ANKRD36B: variants seen among roughly 807,000 people sequenced by gnomAD.
The protein encoded by ANKRD36B is ankyrin repeat domain 36B, also known as ankyrin repeat domain-containing protein 36B.
A neutral mutation model predicts 135.7 loss-of-function variants in ANKRD36B; 37 were observed. The observed-to-expected ratio is 0.27, with a 90% CI of 0.21 to 0.36. ANKRD36B has a LOEUF of 0.36. Among genes scored for constraint, ANKRD36B ranks in the 10% least tolerant of loss-of-function variants. The pLI is 1.00. For synonymous variants in ANKRD36B, 179 were observed against 348.1 expected, an observed-to-expected ratio of 0.51 and a Z score of 5.41; for missense variants, 549 against 1,037.1, an observed-to-expected ratio of 0.53 and a Z score of 6.46.
At chr2:97,557,680 G>A (rs1576990914) in intron 10 of ANKRD36B, among the ~76,000 whole-genome samples, 1 of 151,752 alleles carries the variant, frequency 6.6e-6, no homozygotes, top group African/African-American at 2.4e-5. Context: ...TATAGGTTGG[G>A]ATAATCCTGT....
rs1346375763 is a variant in ANKRD36B, at chr2:97,534,764, C to G, written c.2191+1536G>C. ...ATTAGTACAGTCACTATGGAGAACACTATAGAGTCCTCAAAAAATTAAAAA... is the reference window on the plus strand; with the variant it reads ...ATTAGTACAGTCACTATGGAGAACAGTATAGAGTCCTCAAAAAATTAAAAA... On this transcript the variant is annotated intron_variant, in intron 34 of 43. Transcript: ENST00000359901. Among the ~76,000 whole-genome samples the G allele has an allele frequency of 5.2e-5, 5 of 96,828 alleles. 1 individual carries two copies. Among genetic ancestry groups the G allele is most frequent in the South Asian group, 4.7e-4 (2 of 4,236 alleles). The allele number at this position is 96,828 out of a possible 152,430, so 63.5% of individuals were successfully genotyped here.
intron 43 of ANKRD36B, among the ~76,000 whole-genome samples, chr2:97,495,878 T>A (rs1395358167): frequency 1.9e-5 from 2 of 106,744 alleles, no homozygotes; most frequent in African/African-American, 5.1e-5. Context: ...GACATAAGAC[T>A]GGTAGTGTCA....
At chr2:97,559,083 T>C (rs2080789882) in intron 8 of ANKRD36B, 89 bp from the exon 9 acceptor site, 1 of 1,567,610 alleles carries the variant, frequency 6.4e-7, no homozygotes, top group Non-Finnish European at 8.6e-7. Context: ...TCAAGCTGTA[T>C]CTTCCTGCCT....
chr2:97,565,889 G>GCA (rs2081389986), intron 6 of ANKRD36B, among the ~76,000 whole-genome samples: 2 of 146,182 alleles, frequency 1.4e-5, no homozygotes, highest in African/African-American at 5.2e-5. Flanking sequence ...GTGTGTGTGT[G>GCA]TATATATATA....
Position 97,547,557 on chromosome 2 carries a change from C to CT in ANKRD36B, c.1557dup (p.Asp520ArgfsTer6), listed in dbSNP as rs35495417. 2.6e-6 allele frequency: 4 copies of CT among 1,525,456 alleles called. No individual in the cohort carries two copies. Among genetic ancestry groups the CT allele is most frequent in the South Asian group, 1.1e-5 (1 of 87,280 alleles). 94.5% of individuals were successfully genotyped at this position (1,525,456 alleles called of 1,614,324 possible). A position where few individuals can be genotyped will look rare whatever the true frequency, so the allele number is the denominator to read the frequency against. ...TTACCTCTCCTAGTTTTTTCTCCAT[C>CT]TTTTTTTCCTCTGGCTATATTCAAA... On this transcript the variant is annotated frameshift_variant, in exon 22 of 44. Transcript: ENST00000359901. LOFTEE classifies it high-confidence loss of function.
chr2:97,586,374 C>T (rs989583301), intron 1 of ANKRD36B, among the ~76,000 whole-genome samples: 1 of 147,516 alleles, frequency 6.8e-6, no homozygotes, highest in African/African-American at 2.5e-5. Context: ...TTATCTTTCA[C>T]TATTTTCTAA....
intron 6 of ANKRD36B, among the ~76,000 whole-genome samples, chr2:97,572,773 A>G (rs996659145): frequency 6.6e-6 from 1 of 152,028 alleles, no homozygotes; most frequent in African/African-American, 2.4e-5. Flanking sequence ...GAGATATTAC[A>G]AGAGGTCATG....
chr2:97,572,425 C>T (rs1443341625), intron 6 of ANKRD36B, among the ~76,000 whole-genome samples: 3 of 103,460 alleles, frequency 2.9e-5, no homozygotes, highest in African/African-American at 8.9e-5. Flanking sequence ...AAAACTATGT[C>T]GTTTGAAAAT....
At chr2:97,560,585 T>A in intron 8 of ANKRD36B, 80 bp downstream of exon 8, 2 of 1,572,608 alleles carry the variant, frequency 1.3e-6, no homozygotes, top group Non-Finnish European at 1.7e-6. Flanking sequence ...TTATATGAAC[T>A]CCCCACTGAT....
In ANKRD36B at chr2:97,531,083, G is replaced by A. The variant is rs1261195545; in HGVS notation, c.2265+1228C>T. ...ATATACCCAAAGGACTATAAATCAT[G>A]CTGCTATAAAGACACATGCACACGT... On this transcript the variant is annotated intron_variant, in intron 35 of 43. Coordinates refer to ENST00000359901, the MANE Select transcript of ANKRD36B (RefSeq NM_001393939.1). 3.2e-5 allele frequency among the ~76,000 whole-genome samples: 3 copies of A among 93,598 alleles called. 1 individual carries two copies. Among genetic ancestry groups the A allele is most frequent in the Admixed American group, 2.9e-4 (3 of 10,514 alleles). The allele number at this position is 93,598 out of a possible 152,430, so 61.4% of individuals were successfully genotyped here.
intron 16 of ANKRD36B, among the ~76,000 whole-genome samples, chr2:97,552,347 C>A (rs2080141676): frequency 6.6e-6 from 1 of 151,860 alleles, no homozygotes; most frequent in Non-Finnish European, 1.5e-5. Context: ...TTGGGAGTAT[C>A]ATGTTAGTCT....
intron 6 of ANKRD36B, among the ~76,000 whole-genome samples, chr2:97,565,373 C>A (rs547523921): frequency 2.6e-5 from 4 of 151,888 alleles, no homozygotes; most frequent in Admixed American, 6.6e-5. Context: ...GCCTGATTAC[C>A]CTGGCCAGAA....
intron 9 of ANKRD36B, 32 bp downstream of exon 9, chr2:97,558,934 A>C (rs747200143): frequency 3.1e-6 from 5 of 1,606,094 alleles, no homozygotes; most frequent in Non-Finnish European, 4.2e-6. Flanking sequence ...TATACGGTTA[A>C]TAGTTCAACA....
chr2:97,570,334 G>T (rs1197231652), intron 6 of ANKRD36B, among the ~76,000 whole-genome samples: 5 of 152,176 alleles, frequency 3.3e-5, no homozygotes, highest in Non-Finnish European at 5.9e-5. Flanking sequence ...TCATATAACA[G>T]TCATAAGACT....
intron 10 of ANKRD36B, 127 bp downstream of exon 10, chr2:97,558,672 T>C: frequency 9.9e-7 from 1 of 1,013,010 alleles, no homozygotes. Flanking sequence ...ACCTGAGAAC[T>C]GAGGAATCTC....
rs1293977778 is a variant in ANKRD36B, at chr2:97,540,592, C to T, written c.1886-363G>A. On this transcript the variant is annotated intron_variant, in intron 28 of 43. Transcript: ENST00000359901. The stretch of plus-strand genomic sequence containing the variant: ...ATGTCAAAGTAGGTGGTACTTGATC[C>T]CACAGGTCTTTCATGCAAGAAATCA... 2.1e-5 allele frequency among the ~76,000 whole-genome samples: 2 copies of T among 95,496 alleles called. 1 individual carries two copies. The highest frequency in any genetic ancestry group is 5.6e-5 in the Non-Finnish European group (2 of 35,736). The allele number at this position is 95,496 out of a possible 152,430, so 62.6% of individuals were successfully genotyped here. A position where few individuals can be genotyped will look rare whatever the true frequency, so the allele number is the denominator to read the frequency against.
At position 97,573,512 on chromosome 2, in the gene ANKRD36B, T is replaced by C. The variant is rs553443934; in HGVS notation, c.763+2867A>G. 1.5e-3 allele frequency among the ~76,000 whole-genome samples: 226 copies of C among 152,246 alleles called. 1 individual carries two copies. The highest frequency in any genetic ancestry group is 0.014 in the Middle Eastern group (4 of 294). ...CCATCCCCATCAAGCTATCAATGAC[T>C]TTCTTCACAGAATTGGAAAAAACTA... is the stretch of plus-strand genomic sequence containing the variant. On this transcript the variant is annotated intron_variant, in intron 6 of 43. Transcript: ENST00000359901.
At chr2:97,548,321 T>G (rs2079693411) in intron 20 of ANKRD36B, among the ~76,000 whole-genome samples, 1 of 151,908 alleles carries the variant, frequency 6.6e-6, no homozygotes, top group Non-Finnish European at 1.5e-5. Context: ...ACCCATATGG[T>G]GTAATAATCT....
At chr2:97,554,982 C>T in intron 14 of ANKRD36B, 78 bp downstream of exon 14, 1 of 1,525,470 alleles carries the variant, frequency 6.6e-7, no homozygotes, top group Non-Finnish European at 9.0e-7. Flanking sequence ...GATGAGCCCC[C>T]CCACTGATTT....
Sources: allele counts gnomAD v4.1 joint callset (sites outside exome capture counted in the v4.1 genomes callset), GRCh38; gene constraint gnomAD v4.1.1; transcripts MANE v1.5; gene names NCBI Gene and HGNC (gene_info 2026-07-23, HGNC 2026-07-21).